C7orf57: variants seen among roughly 807,000 people sequenced by gnomAD.
C7orf57 encodes uncharacterized protein C7orf57.
In C7orf57, 33 loss-of-function variants were observed where a neutral mutation model predicts 39.0. The ratio of observed to expected loss-of-function variants is 0.85; its 90% CI spans 0.64 to 1.13. The LOEUF (loss-of-function observed/expected upper bound fraction) is 1.13. Among genes scored for constraint, C7orf57 ranks in the 50% most tolerant of loss-of-function variants. The pLI, the probability that C7orf57 is intolerant of heterozygous loss-of-function variation, is 0.00. For synonymous variants in C7orf57, 124 were observed against 137.1 expected, an observed-to-expected ratio of 0.90 and a Z score of 0.67; for missense variants, 346 against 362.3, an observed-to-expected ratio of 0.95 and a Z score of 0.37.
chr7:48,043,322 C>T (rs1008725364), intron 3 of C7orf57, among the ~76,000 whole-genome samples, 159 bp from the exon 4 acceptor site: 18 of 152,222 alleles, frequency 1.2e-4, no homozygotes, highest in African/African-American at 4.1e-4. Flanking sequence ...TGTGCACAGA[C>T]AGGTGAGGAT....
chr7:48,052,570 C>CAG (rs972854959), intron 6 of C7orf57, 130 bp from the exon 7 acceptor site: 18 of 706,784 alleles, frequency 2.5e-5, no homozygotes, highest in Non-Finnish European at 3.6e-5. Context: ...GAGGGAAAGA[C>CAG]AGAGAGAGAG....
chr7:48,038,758 T>C (rs770265840), intron 2 of C7orf57, among the ~76,000 whole-genome samples: 27 of 152,196 alleles, frequency 1.8e-4, no homozygotes, highest in Non-Finnish European at 2.6e-4. Flanking sequence ...AGCATGATTT[T>C]ATACATTTTG....
At chr7:48,049,678 T>G (rs1164168181) in intron 5 of C7orf57, among the ~76,000 whole-genome samples, 1 of 152,218 alleles carries the variant, frequency 6.6e-6, no homozygotes, top group African/African-American at 2.4e-5. Context: ...GCAACTGCTT[T>G]TGAGTTAGTG....
intron 8 of C7orf57, among the ~76,000 whole-genome samples, chr7:48,055,141 G>A (rs748688738): frequency 2.2e-4 from 33 of 152,300 alleles, no homozygotes; most frequent in Non-Finnish European, 4.7e-4. Flanking sequence ...CTCCGAAAGT[G>A]CTGAGATTAC....
chr7:48,052,663 T>C (rs777154120), intron 6 of C7orf57, 37 bp from the exon 7 acceptor site: 8 of 1,558,618 alleles, frequency 5.1e-6, no homozygotes, highest in Non-Finnish European at 7.1e-6. Flanking sequence ...CATTAACCCT[T>C]GTACTTAAGT....
chr7:48,040,235 T>C (rs1790507312), intron 2 of C7orf57, among the ~76,000 whole-genome samples: 1 of 152,254 alleles, frequency 6.6e-6, no homozygotes, highest in Non-Finnish European at 1.5e-5. Flanking sequence ...CAGGCCCATG[T>C]TCAGCTCCTC....
intron 5 of C7orf57, among the ~76,000 whole-genome samples, chr7:48,047,500 A>G (rs1212840954): frequency 1.3e-5 from 2 of 152,148 alleles, no homozygotes; most frequent in East Asian, 3.9e-4. Context: ...TTGCCTTAGC[A>G]TCTTGGTTTG....
chr7:48,056,861 C>A (rs1268884695), intron 8 of C7orf57, among the ~76,000 whole-genome samples: 2 of 152,062 alleles, frequency 1.3e-5, no homozygotes, highest in Non-Finnish European at 2.9e-5. Flanking sequence ...ATTCAGTTTA[C>A]CCAGCATCAT....
rs760627419 is a variant in C7orf57 at position 48,036,464 on chromosome 7, G to A, written c.55+101G>A. The stretch of plus-strand genomic sequence containing the variant: ...CCAACGTCCTCTATGTGGGCTGGAG[G>A]GGGGTGTGAACGATGGAGGACCAAG... On this transcript the variant is annotated intron_variant, in intron 2 of 8. Coordinates refer to ENST00000348904, the MANE Select transcript of C7orf57 (RefSeq NM_001100159.3). The A allele has an allele frequency of 6.0e-6, 7 of 1,159,370 alleles. No homozygotes were observed. The South Asian group carries it at 6.4e-5, about 11-fold the overall frequency. The allele number at this position is 1,159,370 out of a possible 1,614,324, so 71.8% of individuals were successfully genotyped here.
intron 6 of C7orf57, among the ~76,000 whole-genome samples, chr7:48,051,849 T>TC (rs1790940636): frequency 1.2e-5 from 1 of 83,244 alleles, no homozygotes; most frequent in African/African-American, 6.5e-5. Context: ...CTTTCTTTCT[T>TC]TCTTTCTTTC....
chr7:48,045,581 C>A (rs1283149165), intron 4 of C7orf57, among the ~76,000 whole-genome samples: 2 of 152,200 alleles, frequency 1.3e-5, no homozygotes, highest in African/African-American at 4.8e-5. Flanking sequence ...TCGACCTTGC[C>A]CTTGGTGCCC....
At chr7:48,039,071 C>G (rs575680260) in intron 2 of C7orf57, among the ~76,000 whole-genome samples, 1 of 152,118 alleles carries the variant, frequency 6.6e-6, no homozygotes, top group East Asian at 1.9e-4. Context: ...CATCTCTTAT[C>G]AGACCTAAAA....
In C7orf57 at chr7:48,043,608, T is replaced by C; in HGVS notation, c.350+19T>C. 6.3e-7 allele frequency: 1 copy of C among 1,592,180 alleles called. No homozygotes were observed. Among genetic ancestry groups the C allele is most frequent in the Non-Finnish European group, 8.6e-7 (1 of 1,162,494 alleles). ...AGCAAGAGTAAGTACCTTAAAGCAC[T>C]CACATTTTTGTTTATCTTTACAGGA... On this transcript the variant is annotated intron_variant, in intron 4 of 8. Transcript: ENST00000348904.
Position 48,051,125 on chromosome 7 carries a change from G to C in C7orf57, c.605+1148G>C, listed in dbSNP as rs572860192. On this transcript the variant is annotated intron_variant, in intron 6 of 8. Coordinates refer to ENST00000348904, the MANE Select transcript of C7orf57 (RefSeq NM_001100159.3). ...TGACTGGAGACAAACCTGTGTAAGA[G>C]AGTAAAATAGCAGCAGATAATCATT... Among the ~76,000 whole-genome samples the C allele has an allele frequency of 2.0e-5, 3 of 152,144 alleles. No homozygotes were observed. In the East Asian group the frequency reaches 5.8e-4, roughly 29 times the overall value.
rs1247595944 is a variant in C7orf57 at position 48,041,335 on chromosome 7, T to C, written c.57T>C (p.Asp19=). Residue 19 remains aspartate, a splice_region_variant and synonymous_variant, in exon 3 of 9, where the codon GAT becomes GAC. Coordinates refer to ENST00000348904, the MANE Select transcript of C7orf57 (RefSeq NM_001100159.3). ...GCCCTCCGCCTCTCTCCTCTATAGA[T>C]TGGTATTACCACGTCCCAGTGAAGC... ...QGATHRYAPC[D]WYYHVPVKRS... is the part of the protein sequence containing the mutation. The C allele has an allele frequency of 9.9e-6, 16 of 1,611,450 alleles. No individual in the cohort carries two copies. Among genetic ancestry groups the C allele is most frequent in the East Asian group, 2.2e-5 (1 of 44,844 alleles).
chr7:48,054,479 A>G, intron 7 of C7orf57, 116 bp from the exon 8 acceptor site: 1 of 781,182 alleles, frequency 1.3e-6, no homozygotes, highest in South Asian at 1.9e-5. Flanking sequence ...GTGTTTTATG[A>G]CTTATTGTTG....
chr7:48,046,154 G>A (rs1202463531), intron 4 of C7orf57, among the ~76,000 whole-genome samples: 1 of 151,916 alleles, frequency 6.6e-6, no homozygotes, highest in Non-Finnish European at 1.5e-5. Flanking sequence ...AGGAGGGAAG[G>A]GCCCGTCTGT....
intron 3 of C7orf57, 104 bp downstream of exon 3, chr7:48,041,623 T>TAA (rs1164737732): frequency 4.6e-5 from 46 of 996,678 alleles, no homozygotes; most frequent in Non-Finnish European, 6.0e-5. Context: ...AGAGTCTGTA[T>TAA]GTTTAGCTTA....
At chr7:48,036,931 G>A (rs983260433) in intron 2 of C7orf57, among the ~76,000 whole-genome samples, 2 of 148,358 alleles carry the variant, frequency 1.3e-5, no homozygotes, top group African/African-American at 4.9e-5. Context: ...TGTCTTCTGG[G>A]TTTTTTTTTT....
Sources: allele counts gnomAD v4.1 joint callset (sites outside exome capture counted in the v4.1 genomes callset), GRCh38; gene constraint gnomAD v4.1.1; transcripts MANE v1.5; gene names NCBI Gene and HGNC (gene_info 2026-07-23, HGNC 2026-07-21).